AKAP8L: variants seen among roughly 807,000 people sequenced by gnomAD.
AKAP8L encodes the protein A-kinase anchor protein 8-like.
A neutral mutation model predicts 77.5 loss-of-function variants in AKAP8L; 34 were observed. The ratio of observed to expected loss-of-function variants is 0.44; its 90% CI spans 0.33 to 0.58. AKAP8L has a LOEUF of 0.58. Among genes scored for constraint, AKAP8L ranks in the 20% least tolerant of loss-of-function variants. The pLI is 0.02. For synonymous variants in AKAP8L, 342 were observed against 340.7 expected (o/e 1.00, Z -0.04); for missense variants, 806 against 887.6 (o/e 0.91, Z 1.17).
intron 12 of AKAP8L, among the ~76,000 whole-genome samples, chr19:15,394,797 A>C (rs986667499): frequency 6.6e-6 from 1 of 152,190 alleles, no homozygotes; most frequent in African/African-American, 2.4e-5. Flanking sequence ...GATAACAATA[A>C]TTAGAAGCTT....
chr19:15,417,049 C>CT (rs1198918722), intron 1 of AKAP8L, among the ~76,000 whole-genome samples: 3 of 152,094 alleles, frequency 2.0e-5, no homozygotes, highest in African/African-American at 7.2e-5. Flanking sequence ...CTAATCATTA[C>CT]TTTTTTAGCT....
chr19:15,412,526 A>AAAC (rs1968124373), intron 1 of AKAP8L, among the ~76,000 whole-genome samples: 1 of 152,182 alleles, frequency 6.6e-6, no homozygotes, highest in South Asian at 2.1e-4. Context: ...AAAAAAGAAA[A>AAAC]AACAACAACT....
At position 15,397,492 on chromosome 19, in the gene AKAP8L, G is replaced by A. The variant is rs376063262; in HGVS notation, c.1405+28C>T. 1.9e-6 allele frequency: 3 copies of A among 1,590,076 alleles called. No individual in the cohort carries two copies. The highest frequency in any genetic ancestry group is 2.6e-6 in the Non-Finnish European group (3 of 1,160,144). ...AGGAGTGCAGGCTGAGGCCTTGCCT[G>A]GTGGGAGTGGGCTGAAAATCTCCTC... On this transcript the variant is annotated intron_variant, in intron 11 of 13. Transcript: ENST00000397410. The surrounding 1 kb of genome is among the most constrained non-coding windows in gnomAD (Gnocchi z 4.7).
chr19:15,400,650 C>T, intron 7 of AKAP8L, 144 bp downstream of exon 7: 1 of 1,067,786 alleles, frequency 9.4e-7, no homozygotes. Flanking sequence ...CCTGTGCTTT[C>T]TGCCAGACCA....
intron 1 of AKAP8L, among the ~76,000 whole-genome samples, chr19:15,418,197 G>A (rs549241391): frequency 2.0e-5 from 3 of 152,290 alleles, no homozygotes; most frequent in South Asian, 2.1e-4. Context: ...TCCTACACTC[G>A]CTTATTTGCC....
Position 15,397,277 on chromosome 19 carries a change from AT to A in AKAP8L, c.1408del (p.Ile470LeufsTer7). On this transcript the variant is annotated frameshift_variant and splice_region_variant, in exon 12 of 14. Coordinates refer to ENST00000397410, the MANE Select transcript of AKAP8L (RefSeq NM_014371.4). LOFTEE classifies it high-confidence loss of function. The surrounding 1 kb of genome is among the most constrained non-coding windows in gnomAD (Gnocchi z 4.7). ...IYRDQDLTQE[I>X]AMEHFVKKVE... ...CTTCTTCACAAAATGCTCCATGGCA[AT>A]TTCTGTAGTGGGGAGGAGGGAGTCA... 1 of 1,613,848 alleles carries A rather than the reference AT, an allele frequency of 6.2e-7. No homozygotes were observed. Among genetic ancestry groups the A allele is most frequent in the Admixed American group, 1.7e-5 (1 of 60,010 alleles).
chr19:15,400,871 G>C lies in AKAP8L; in HGVS notation c.914-7C>G, dbSNP rs1967879950. On this transcript the variant is annotated splice_polypyrimidine_tract_variant and splice_region_variant and intron_variant, in intron 6 of 13. Coordinates refer to ENST00000397410, the MANE Select transcript of AKAP8L (RefSeq NM_014371.4). ...TCCCCCTCGGTGCCCTCATCTGAAA[G>C]GGAAAAGGAGGTAAGCTCAACCCAG... The C allele has an allele frequency of 3.1e-6, 5 of 1,613,892 alleles. No individual in the cohort carries two copies. The highest frequency in any genetic ancestry group is 4.2e-6 in the Non-Finnish European group (5 of 1,179,880).
chr19:15,412,247 T>A (rs1194246842), intron 1 of AKAP8L, among the ~76,000 whole-genome samples: 1 of 152,156 alleles, frequency 6.6e-6, no homozygotes, highest in Non-Finnish European at 1.5e-5. Context: ...CTGGGTGTGG[T>A]GGCACCTGCC....
At position 15,405,846 on chromosome 19, in the gene AKAP8L, T is replaced by C. The variant is rs902141465; in HGVS notation, c.89-1804A>G. ...CTGAGGCAGGAGAATCACTTGAACC[T>C]GGGAGGTGGAGGTTGCAGCGAGCCA... is the stretch of plus-strand genomic sequence containing the variant. On this transcript the variant is annotated intron_variant, in intron 2 of 13. Coordinates refer to ENST00000397410, the MANE Select transcript of AKAP8L (RefSeq NM_014371.4). Among the ~76,000 whole-genome samples, 18 of 151,148 alleles carry C rather than the reference T, an allele frequency of 1.2e-4. 1 individual carries two copies. The highest frequency in any genetic ancestry group is 4.4e-5 in the Non-Finnish European group (3 of 67,848).
chr19:15,400,358 C>T lies in AKAP8L; in HGVS notation c.985G>A (p.Asp329Asn). The T allele has an allele frequency of 6.2e-7, 1 of 1,609,984 alleles. No homozygotes were observed. The highest frequency in any genetic ancestry group is 8.5e-7 in the Non-Finnish European group (1 of 1,178,732). ...TEAVEKGSRVDGEDEEGKEDG... is the reference protein window; with the variant it reads ...TEAVEKGSRVNGEDEEGKEDG... ...TCTTTTCCCTCCTCATCCTCTCCGT[C>T]CTAACAATTTCAAATTCCAACTTTA... The change falls in exon 8 of 14, where the codon GAC becomes AAC. Residue 329 changes from aspartate to asparagine, a missense_variant and splice_region_variant. By Grantham distance (23) the Asp-to-Asn change is conservative (BLOSUM62 1). Coordinates refer to ENST00000397410, the MANE Select transcript of AKAP8L (RefSeq NM_014371.4).
In AKAP8L at chr19:15,395,707, G is replaced by A. The variant is rs1329893443; in HGVS notation, c.1536+1443C>T. ...TAGCATAAGAATCTGTTTTTAGGCCGGGCGCGGTGGCTCACGCCTGTAATC... is the reference window on the plus strand; with the variant it reads ...TAGCATAAGAATCTGTTTTTAGGCCAGGCGCGGTGGCTCACGCCTGTAATC... On this transcript the variant is annotated intron_variant, in intron 12 of 13. Transcript: ENST00000397410. Among the ~76,000 whole-genome samples, 20 of 150,828 alleles carry A rather than the reference G, an allele frequency of 1.3e-4. No homozygotes were observed. In the East Asian group the frequency reaches 1.4e-3, roughly 11 times the overall value.
At chr19:15,408,611 C>T (rs1440344688) in intron 2 of AKAP8L, among the ~76,000 whole-genome samples, 3 of 147,672 alleles carry the variant, frequency 2.0e-5, no homozygotes, top group African/African-American at 7.5e-5. Context: ...AGGCCGGGCG[C>T]GGTGGCTCAC....
At position 15,401,518 on chromosome 19, in the gene AKAP8L, C is replaced by A. The variant is rs1236282963; in HGVS notation, c.448G>T (p.Asp150Tyr). The change falls in exon 5 of 14, where the codon GAC (aspartate) becomes TAC (tyrosine). Residue 150 changes from aspartate to tyrosine, a missense_variant. Asp to Tyr is a radical substitution (Grantham distance 160). This residue lies in a region of AKAP8L where 580 missense variants were observed against 694.1 expected (regional missense o/e 0.84). Coordinates refer to ENST00000397410, the MANE Select transcript of AKAP8L (RefSeq NM_014371.4). The surrounding 1 kb of genome is among the most constrained non-coding windows in gnomAD (Gnocchi z 6.2). ...TCATAGGCCATTTCCATCTCAGGGTCAAGCTCGCTGTAGTCATAGCCTGAC... is the reference window on the plus strand; with the variant it reads ...TCATAGGCCATTTCCATCTCAGGGTAAAGCTCGCTGTAGTCATAGCCTGAC... ...YRSGYDYSEL[D>Y]PEMEMAYEGQ... 3.7e-6 allele frequency: 6 copies of A among 1,613,848 alleles called. No homozygotes were observed. The highest frequency in any genetic ancestry group is 2.7e-5 in the African/African-American group (2 of 75,078).
At chr19:15,387,067 C>T (rs1245474946) in intron 12 of AKAP8L, among the ~76,000 whole-genome samples, 8 of 152,188 alleles carry the variant, frequency 5.3e-5, no homozygotes, top group African/African-American at 1.9e-4. Context: ...GCCACACGCA[C>T]GTGGAATGGA....
At chr19:15,413,643 T>C (rs1444268436) in intron 1 of AKAP8L, among the ~76,000 whole-genome samples, 2 of 152,160 alleles carry the variant, frequency 1.3e-5, no homozygotes, top group Non-Finnish European at 2.9e-5. Flanking sequence ...CTTTGAAGAG[T>C]TCACCCAGGG....
intron 2 of AKAP8L, among the ~76,000 whole-genome samples, chr19:15,409,517 G>A (rs1968067806): frequency 6.6e-6 from 1 of 152,186 alleles, no homozygotes; most frequent in Non-Finnish European, 1.5e-5. Context: ...CTGAAGGCAT[G>A]TTAGCTGTGT....
At chr19:15,385,573 T>C (rs1346070908) in intron 12 of AKAP8L, among the ~76,000 whole-genome samples, 1 of 152,164 alleles carries the variant, frequency 6.6e-6, no homozygotes, top group Non-Finnish European at 1.5e-5. Context: ...ACTAGATTGA[T>C]AGTTACTAAT....
chr19:15,384,302 G>GT (rs35204682), intron 12 of AKAP8L, among the ~76,000 whole-genome samples: 111,808 of 137,960 alleles, frequency 0.81, 45,516 homozygotes, highest in East Asian at 0.99. Flanking sequence ...TTCCCTCCCT[G>GT]TTTTTTTTTT....
Position 15,401,282 on chromosome 19 carries a change from G to A in AKAP8L, c.684C>T (p.Pro228=), listed in dbSNP as rs746816997. The change falls in exon 5 of 14, where the codon CCC becomes CCT. Residue 228 remains proline, a synonymous_variant. Coordinates refer to ENST00000397410, the MANE Select transcript of AKAP8L (RefSeq NM_014371.4). The surrounding 1 kb of genome is among the most constrained non-coding windows in gnomAD (Gnocchi z 6.2). The part of the protein sequence containing the change: ...LPSLFSQNII[P]EYGMFQGMRG... Reference sequence around the variant, plus strand: ...GCATGCCCTGGAACATGCCGTACTCGGGGATGATGTTCTGGGAGAAGAGGG... The same window carrying A: ...GCATGCCCTGGAACATGCCGTACTCAGGGATGATGTTCTGGGAGAAGAGGG... 31 of 1,613,764 alleles carry A rather than the reference G, an allele frequency of 1.9e-5. No homozygotes were observed. The highest frequency in any genetic ancestry group is 2.5e-5 in the Non-Finnish European group (29 of 1,179,892).
Sources: allele counts gnomAD v4.1 joint callset (sites outside exome capture counted in the v4.1 genomes callset), GRCh38; gene constraint gnomAD v4.1.1; regional missense constraint gnomAD v4.1.1; non-coding constraint Gnocchi (gnomAD v3.1); transcripts MANE v1.5; gene names NCBI Gene and HGNC (gene_info 2026-07-23, HGNC 2026-07-21).